Variants in SHISA9 observed in about 807,000 individuals in gnomAD.
SHISA9 encodes shisa family member 9.
SHISA9 carries 13 observed loss-of-function variants against 38.0 expected under a neutral mutation model. The ratio of observed to expected loss-of-function variants is 0.34; its 90% CI spans 0.22 to 0.54. The LOEUF (loss-of-function observed/expected upper bound fraction) is 0.54. Among genes scored for constraint, SHISA9 ranks in the 20% least tolerant of loss-of-function variants. SHISA9 has a pLI of 0.91. For synonymous variants in SHISA9, 275 were observed against 242.0 expected, an observed-to-expected ratio of 1.14 and a Z score of -1.27; for missense variants, 538 against 575.8, an observed-to-expected ratio of 0.93 and a Z score of 0.67.
At chr16:13,436,400 G>A in the SHISA9 span, among the ~76,000 whole-genome samples, 1 of 152,126 alleles carries the variant, frequency 6.6e-6, no homozygotes, top group Non-Finnish European at 1.5e-5. Flanking sequence ...CCATGGCAAT[G>A]TCCATAAATT....
At chr16:13,486,834 A>G in the SHISA9 span, among the ~76,000 whole-genome samples, 1 of 152,186 alleles carries the variant, frequency 6.6e-6, no homozygotes, top group Non-Finnish European at 1.5e-5. Context: ...CCTCCAGAGT[A>G]ACTGGGATTA....
At chr16:12,908,961 A>G (rs2071143343) in intron 1 of SHISA9, 6 of 998,522 alleles carry the variant, frequency 6.0e-6, no homozygotes, top group Non-Finnish European at 7.2e-6. Flanking sequence ...AAGAACTGGC[A>G]CCCCTTGGAA....
chr16:13,549,832 G>T, the SHISA9 span, among the ~76,000 whole-genome samples: 1 of 152,020 alleles, frequency 6.6e-6, no homozygotes, highest in East Asian at 1.9e-4. Context: ...AGACTAGCCT[G>T]GCCAACAAGG....
rs543790219 is a variant in SHISA9 at position 13,195,792 on chromosome 16, G to T, written c.692-7602G>T. Among the ~76,000 whole-genome samples the T allele has an allele frequency of 2.8e-4, 42 of 152,144 alleles. No homozygotes were observed. The South Asian group carries it at 8.5e-3, about 31-fold the overall frequency. ...CAATCTAATCATGAGAAAAATATGA[G>T]ACAAATTCCGTTTGGCCAGGCGTGG... On this transcript the variant is annotated intron_variant, in intron 2 of 4. Coordinates refer to ENST00000558583, the MANE Select transcript of SHISA9 (RefSeq NM_001145204.3).
chr16:13,519,689 T>G, the SHISA9 span, among the ~76,000 whole-genome samples: 1,282 of 152,168 alleles, frequency 8.4e-3, 17 homozygotes, highest in African/African-American at 0.029. Context: ...CTCAGAAAAC[T>G]TACAATCATG....
chr16:13,370,406 CA>C, the SHISA9 span, among the ~76,000 whole-genome samples: 1 of 152,204 alleles, frequency 6.6e-6, no homozygotes, highest in Non-Finnish European at 1.5e-5. Context: ...CAAAGACACA[CA>C]GCTGTTTAGC....
At chr16:13,460,986 G>C in the SHISA9 span, among the ~76,000 whole-genome samples, 1 of 152,120 alleles carries the variant, frequency 6.6e-6, no homozygotes, top group Non-Finnish European at 1.5e-5. Flanking sequence ...CTTTCTACTT[G>C]TGTCTTTTGC....
chr16:13,157,736 C>T (rs1216456922), intron 2 of SHISA9, among the ~76,000 whole-genome samples: 2 of 152,164 alleles, frequency 1.3e-5, no homozygotes, highest in Admixed American at 6.5e-5. Flanking sequence ...AGCTGTCCTC[C>T]CTGCCTGTTC....
At chr16:13,333,135 A>C in the SHISA9 span, among the ~76,000 whole-genome samples, 20 of 152,282 alleles carry the variant, frequency 1.3e-4, no homozygotes, top group East Asian at 3.5e-3. Context: ...TTGCACCTTG[A>C]ATGGGGTTGA....
At chr16:12,926,383 G>A (rs2071393824) in intron 2 of SHISA9, among the ~76,000 whole-genome samples, 1 of 151,822 alleles carries the variant, frequency 6.6e-6, no homozygotes, top group African/African-American at 2.4e-5. Context: ...TTTCTGTCCT[G>A]GAGGACTCAG....
the SHISA9 span, among the ~76,000 whole-genome samples, chr16:13,560,821 CAA>C: frequency 2.0e-5 from 3 of 149,812 alleles, no homozygotes; most frequent in Non-Finnish European, 4.4e-5. Flanking sequence ...AGTCCCAGAA[CAA>C]AAACATTGTT....
At chr16:13,171,607 C>T (rs1435161483) in intron 2 of SHISA9, among the ~76,000 whole-genome samples, 1 of 151,682 alleles carries the variant, frequency 6.6e-6, no homozygotes, top group Non-Finnish European at 1.5e-5. Flanking sequence ...GGGTTCTGCC[C>T]TGGGAGAGAA....
At chr16:13,362,949 A>G in the SHISA9 span, among the ~76,000 whole-genome samples, 6 of 152,212 alleles carry the variant, frequency 3.9e-5, no homozygotes, top group Non-Finnish European at 7.3e-5. Context: ...GCTGATGCCA[A>G]CTAATAATAT....
Position 13,169,283 on chromosome 16 carries a change from G to A in SHISA9, c.692-34111G>A, listed in dbSNP as rs80070403. On this transcript the variant is annotated intron_variant, in intron 2 of 4. Transcript: ENST00000558583. Reference sequence around the variant, plus strand: ...AATAAGCAGTTGATTAGTTCATTACGAAAATAGTGAAAACAACACCATTTG... The same window carrying A: ...AATAAGCAGTTGATTAGTTCATTACAAAAATAGTGAAAACAACACCATTTG... 2.2e-3 allele frequency among the ~76,000 whole-genome samples: 329 copies of A among 152,304 alleles called. 16 individuals carry two copies. The East Asian group carries it at 0.047, about 22-fold the overall frequency.
intron 2 of SHISA9, among the ~76,000 whole-genome samples, chr16:12,945,231 T>C (rs1318462714): frequency 6.6e-6 from 1 of 152,052 alleles, no homozygotes; most frequent in East Asian, 1.9e-4. Context: ...AGGATCGCTA[T>C]AGGGAACTGA....
At chr16:12,906,048 G>A (rs1421644643) in intron 1 of SHISA9, among the ~76,000 whole-genome samples, 1 of 152,194 alleles carries the variant, frequency 6.6e-6, no homozygotes, top group Non-Finnish European at 1.5e-5. Flanking sequence ...AGTAGCCTTT[G>A]CCGGATTGTG....
chr16:13,553,478 A>G, the SHISA9 span, among the ~76,000 whole-genome samples: 2 of 152,200 alleles, frequency 1.3e-5, no homozygotes, highest in East Asian at 3.9e-4. Flanking sequence ...CCCACCTAGC[A>G]AAAAGGTAAA....
At chr16:13,280,161 A>T in the SHISA9 span, among the ~76,000 whole-genome samples, 1 of 60,780 alleles carries the variant, frequency 1.6e-5, no homozygotes, top group Non-Finnish European at 3.1e-5. Context: ...CTAGTGGTTT[A>T]TATCAACTTT....
At chr16:13,205,359 C>T (rs954179818) in intron 3 of SHISA9, among the ~76,000 whole-genome samples, 2 of 152,220 alleles carry the variant, frequency 1.3e-5, no homozygotes, top group African/African-American at 4.8e-5. Context: ...CCTTTTCTTT[C>T]CTTCTCACTG....
Sources: allele counts gnomAD v4.1 joint callset (sites outside exome capture counted in the v4.1 genomes callset), GRCh38; gene constraint gnomAD v4.1.1; transcripts MANE v1.5; gene names NCBI Gene and HGNC (gene_info 2026-07-23, HGNC 2026-07-21).